FREM1: variants seen among roughly 807,000 people sequenced by gnomAD.
FREM1 encodes FRAS1-related extracellular matrix protein 1.
Under a neutral mutation model 210.1 loss-of-function variants are expected in FREM1, and 220 were observed. The ratio of observed to expected loss-of-function variants is 1.05; its 90% CI spans 0.94 to 1.17. FREM1 has a LOEUF of 1.17. Among genes scored for constraint, FREM1 ranks in the 50% most tolerant of loss-of-function variants. The pLI is 0.00. For synonymous variants in FREM1, 1,189 were observed against 980.2 expected, an observed-to-expected ratio of 1.21 and a Z score of -3.98; for missense variants, 3,454 against 2,675.5, an observed-to-expected ratio of 1.29 and a Z score of -6.42.
rs1344348371 is a variant in FREM1 at position 14,857,712 on chromosome 9, A to T, written c.669T>A (p.Cys223Ter). The change falls in exon 5 of 37, where the codon TGT becomes TGA. Residue 223 changes from cysteine (C) to a stop codon, truncating the protein, a stop_gained. Coordinates refer to ENST00000380880, the MANE Select transcript of FREM1 (RefSeq NM_001379081.2). LOFTEE classifies it high-confidence loss of function. ...TTCCTATTTTCTTTAATCCTGGGGT[A>T]CAGCTCCCACCTGGACACTTCAGTT... ...RAKLKCPGGS[C>*]TPGLKKIGSL... The T allele has an allele frequency of 6.2e-7, 1 of 1,612,756 alleles. No homozygotes were observed.
chr9:14,905,465 A>G (rs1350492838), intron 1 of FREM1, among the ~76,000 whole-genome samples: 1 of 152,242 alleles, frequency 6.6e-6, no homozygotes, highest in Non-Finnish European at 1.5e-5. Flanking sequence ...GCATTTATCT[A>G]AAACACCTAT....
intron 5 of FREM1, among the ~76,000 whole-genome samples, chr9:14,854,576 C>T (rs1158094539): frequency 6.6e-6 from 1 of 151,774 alleles, no homozygotes; most frequent in Non-Finnish European, 1.5e-5. Context: ...TCTTCTCAAA[C>T]CAGTGGGGAA....
intron 8 of FREM1, among the ~76,000 whole-genome samples, chr9:14,845,049 CA>C (rs1826341856): frequency 1.3e-5 from 2 of 152,162 alleles, no homozygotes; most frequent in Admixed American, 1.3e-4. Flanking sequence ...ATTCCCTGCT[CA>C]CAAATGATGG....
At chr9:14,779,425 A>T in intron 24 of FREM1, 3 of 901,166 alleles carry the variant, frequency 3.3e-6, no homozygotes, top group South Asian at 1.0e-4. Context: ...AGAAGGGGAG[A>T]GATGGGACCA....
At chr9:14,827,792 T>C (rs1822756121) in intron 10 of FREM1, among the ~76,000 whole-genome samples, 1 of 152,212 alleles carries the variant, frequency 6.6e-6, no homozygotes, top group East Asian at 1.9e-4. Context: ...CTGTGGGGTC[T>C]CTGCCCAGCA....
chr9:14,791,758 A>C (rs1250927713), intron 22 of FREM1, among the ~76,000 whole-genome samples: 3 of 152,232 alleles, frequency 2.0e-5, no homozygotes, highest in African/African-American at 7.2e-5. Context: ...GAAGGAAAGA[A>C]AGAAAGATGC....
chr9:14,747,091 T>C lies in FREM1; in HGVS notation c.6010-40A>G, dbSNP rs749631410. 1.9e-6 allele frequency: 3 copies of C among 1,612,108 alleles called. No individual in the cohort carries two copies. In the Admixed American group the frequency reaches 5.0e-5, roughly 27 times the overall value. On this transcript the variant is annotated intron_variant, in intron 33 of 36. Transcript: ENST00000380880. ...GGCAATTTAGCAATTTAGAATTGACTTAAGGAAAGTTGCTCACACATTCAC... is the reference window on the plus strand; with the variant it reads ...GGCAATTTAGCAATTTAGAATTGACCTAAGGAAAGTTGCTCACACATTCAC...
At chr9:14,873,322 T>C (rs942451661) in intron 1 of FREM1, among the ~76,000 whole-genome samples, 12 of 152,210 alleles carry the variant, frequency 7.9e-5, no homozygotes, top group African/African-American at 2.9e-4. Context: ...GTTGGTAAGC[T>C]ATTGATTATT....
At chr9:14,799,733 G>T (rs1853157082) in intron 20 of FREM1, among the ~76,000 whole-genome samples, 1 of 151,926 alleles carries the variant, frequency 6.6e-6, no homozygotes, top group South Asian at 2.1e-4. Flanking sequence ...CATCATTTAT[G>T]TCCTAGAATG....
At chr9:14,880,601 CAAAA>C (rs35625770) in intron 1 of FREM1, among the ~76,000 whole-genome samples, 55 of 75,594 alleles carry the variant, frequency 7.3e-4, no homozygotes, top group African/African-American at 1.9e-3. Flanking sequence ...GAGACTGTCT[CAAAA>C]AAAAAAAAAA....
intron 1 of FREM1, among the ~76,000 whole-genome samples, chr9:14,873,798 G>A (rs1387575078): frequency 6.6e-6 from 1 of 151,830 alleles, no homozygotes; most frequent in Non-Finnish European, 1.5e-5. Flanking sequence ...TTCTCTTGTG[G>A]GCATTTAGTG....
In FREM1 at chr9:14,818,320, G is replaced by A. The variant is rs149207695; in HGVS notation, c.2546+914C>T. Among the ~76,000 whole-genome samples the A allele has an allele frequency of 1.4e-4, 22 of 152,320 alleles. 1 individual carries two copies. Among genetic ancestry groups the A allele is most frequent in the African/African-American group, 1.9e-4 (8 of 41,576 alleles). On this transcript the variant is annotated intron_variant, in intron 14 of 36. Coordinates refer to ENST00000380880, the MANE Select transcript of FREM1 (RefSeq NM_001379081.2). ...ATTTTTTTAACAAGGATAGGAGTGC[G>A]AGTGCAAAGATCAAGATATCGTGGA...
intron 24 of FREM1, 175 bp downstream of exon 24, chr9:14,784,195 T>C (rs1587951828): frequency 1.9e-6 from 1 of 532,918 alleles, no homozygotes; most frequent in East Asian, 3.1e-5. Flanking sequence ...TTTTCTCCTT[T>C]TCTTTCCTTT....
chr9:14,870,202 GA>G (rs1421270346), intron 1 of FREM1, among the ~76,000 whole-genome samples: 6 of 152,210 alleles, frequency 3.9e-5, no homozygotes, highest in African/African-American at 1.4e-4. Context: ...ATGTTTGTCA[GA>G]AGGTTGTAGA....
intron 10 of FREM1, among the ~76,000 whole-genome samples, chr9:14,839,514 TA>T (rs755020282): frequency 7.9e-5 from 12 of 152,120 alleles, no homozygotes; most frequent in Non-Finnish European, 1.6e-4. Flanking sequence ...CTTTCTAACA[TA>T]AATTAAGAAG....
At chr9:14,829,316 T>G (rs757048201) in intron 10 of FREM1, among the ~76,000 whole-genome samples, 4 of 152,200 alleles carry the variant, frequency 2.6e-5, no homozygotes, top group Non-Finnish European at 5.9e-5. Flanking sequence ...AATTACTGTC[T>G]GAAAATGGTG....
intron 26 of FREM1, 137 bp downstream of exon 26, chr9:14,770,468 G>C (rs767503699): frequency 3.1e-6 from 2 of 636,406 alleles, no homozygotes; most frequent in Non-Finnish European, 5.4e-6. Context: ...GAGCAATATT[G>C]ATTTATAAAC....
intron 30 of FREM1, among the ~76,000 whole-genome samples, chr9:14,749,605 G>C (rs1842996761): frequency 1.3e-5 from 2 of 152,180 alleles, no homozygotes; most frequent in African/African-American, 4.8e-5. Flanking sequence ...CTTTAGCATA[G>C]ACAATCCAGG....
At chr9:14,859,527 G>T in intron 3 of FREM1, 43 bp from the exon 4 acceptor site, 1 of 1,521,564 alleles carries the variant, frequency 6.6e-7, no homozygotes, top group Non-Finnish European at 9.0e-7. Context: ...TTGGTGCTCA[G>T]GTATTTCTGA....
Sources: gnomAD v4.1 joint callset for allele counts (sites outside exome capture counted in the v4.1 genomes callset) on GRCh38, gnomAD v4.1.1 for gene constraint, MANE v1.5 for transcripts, NCBI Gene and HGNC (gene_info 2026-07-23, HGNC 2026-07-21) for gene names.